The following C10orf90 variants were observed in gnomAD, a reference collection of about 807,000 sequenced individuals.
The protein encoded by C10orf90 is chromosome 10 open reading frame 90.
Under a neutral mutation model 62.5 loss-of-function variants are expected in C10orf90, and 56 were observed. The ratio of observed to expected loss-of-function variants is 0.90; its 90% CI spans 0.72 to 1.12. The LOEUF is 1.12. Among genes scored for constraint, C10orf90 ranks in the 50% most tolerant of loss-of-function variants. C10orf90 has a pLI of 0.00. For missense variants in C10orf90, 970 were observed against 880.4 expected (o/e 1.10, Z -1.29); for synonymous variants, 386 against 340.4 (o/e 1.13, Z -1.47).
intron 7 of C10orf90, among the ~76,000 whole-genome samples, chr10:126,439,539 C>A (rs1425680944): frequency 6.6e-6 from 1 of 151,650 alleles, no homozygotes; most frequent in East Asian, 1.9e-4. Flanking sequence ...GCTGATCCAA[C>A]TATAAGAGAA....
At chr10:126,637,351 C>G (rs1258539497) in intron 2 of C10orf90, among the ~76,000 whole-genome samples, 2 of 152,214 alleles carry the variant, frequency 1.3e-5, no homozygotes, top group Non-Finnish European at 2.9e-5. Flanking sequence ...CCCACCCAGA[C>G]TTCATCCTAG....
At chr10:126,603,812 T>C (rs183318763) in intron 2 of C10orf90, among the ~76,000 whole-genome samples, 4 of 152,244 alleles carry the variant, frequency 2.6e-5, no homozygotes, top group Admixed American at 2.6e-4. Flanking sequence ...AGTGGTGTGG[T>C]TGAATCAATA....
chr10:126,507,225 C>T (rs1326644405), intron 3 of C10orf90, among the ~76,000 whole-genome samples: 1 of 151,736 alleles, frequency 6.6e-6, no homozygotes, highest in Non-Finnish European at 1.5e-5. Flanking sequence ...GGCGTGGTGG[C>T]AGGCGCCTGT....
chr10:126,464,782 A>T lies in C10orf90; in HGVS notation c.1739T>A (p.Phe580Tyr). 3 of 1,614,086 alleles carry T rather than the reference A, an allele frequency of 1.9e-6. No homozygotes were observed. The highest frequency in any genetic ancestry group is 2.5e-6 in the Non-Finnish European group (3 of 1,179,974). Residue 580 changes from phenylalanine (F) to tyrosine (Y), a missense_variant, in exon 5 of 10, where the codon TTT becomes TAT. Transcript: ENST00000488181. ...TTGTAAGGGGCAAAGAAACCCAGGAAAAAGGATTCTGGGTTTCAGGAAGCT... is the reference window on the plus strand; with the variant it reads ...TTGTAAGGGGCAAAGAAACCCAGGATAAAGGATTCTGGGTTTCAGGAAGCT... ...HQSFLKPRIL[F>Y]PGFLCPLQDV... is the part of the protein sequence containing the mutation.
At chr10:126,428,616 G>A (rs1416473376) in intron 8 of C10orf90, among the ~76,000 whole-genome samples, 1 of 151,998 alleles carries the variant, frequency 6.6e-6, no homozygotes, top group African/African-American at 2.4e-5. Flanking sequence ...AAAATGATAG[G>A]GCAATACTCT....
intron 5 of C10orf90, among the ~76,000 whole-genome samples, chr10:126,463,893 T>C (rs958438427): frequency 1.3e-5 from 2 of 152,164 alleles, no homozygotes; most frequent in African/African-American, 4.8e-5. Flanking sequence ...GCTTAATAAA[T>C]GCTTCTCTAA....
At chr10:126,638,375 G>A (rs1845995092) in intron 2 of C10orf90, among the ~76,000 whole-genome samples, 1 of 152,072 alleles carries the variant, frequency 6.6e-6, no homozygotes, top group South Asian at 2.1e-4. Context: ...AGGACTCTGT[G>A]TCCTCTTGCT....
chr10:126,431,517 G>C (rs1030754207), intron 7 of C10orf90, among the ~76,000 whole-genome samples: 6 of 152,160 alleles, frequency 3.9e-5, no homozygotes, highest in Non-Finnish European at 7.3e-5. Context: ...CAAGAAAAAA[G>C]GAAATGTCAG....
At chr10:126,529,977 GAT>G (rs1864048786) in intron 2 of C10orf90, among the ~76,000 whole-genome samples, 1 of 152,080 alleles carries the variant, frequency 6.6e-6, no homozygotes, top group Non-Finnish European at 1.5e-5. Context: ...TGGTTTCAGA[GAT>G]ATTGAAATGT....
intron 2 of C10orf90, among the ~76,000 whole-genome samples, chr10:126,581,958 G>A (rs1339419472): frequency 3.9e-5 from 6 of 152,182 alleles, no homozygotes; most frequent in African/African-American, 1.4e-4. Flanking sequence ...GGTGGCAGCT[G>A]TGGTGACAAT....
chr10:126,476,455 C>A (rs1860873159), intron 4 of C10orf90, among the ~76,000 whole-genome samples: 1 of 152,194 alleles, frequency 6.6e-6, no homozygotes, highest in African/African-American at 2.4e-5. Context: ...ATAAATCAAG[C>A]CACCAAAGGA....
chr10:126,577,329 C>T (rs1342373965), intron 2 of C10orf90, among the ~76,000 whole-genome samples: 1 of 151,516 alleles, frequency 6.6e-6, no homozygotes, highest in Non-Finnish European at 1.5e-5. Flanking sequence ...ATAAGTGAAA[C>T]TAGCAAGATT....
chr10:126,616,835 A>C (rs574937761), intron 2 of C10orf90, among the ~76,000 whole-genome samples: 1 of 152,294 alleles, frequency 6.6e-6, no homozygotes, highest in South Asian at 2.1e-4. Context: ...GAAGAAAAAT[A>C]ACAGTAAGTC....
intron 2 of C10orf90, among the ~76,000 whole-genome samples, chr10:126,582,557 A>G (rs1297090256): frequency 1.3e-5 from 2 of 152,168 alleles, no homozygotes; most frequent in Non-Finnish European, 2.9e-5. Context: ...GTGTTTCCAG[A>G]TTCCATTGTA....
chr10:126,575,654 G>A (rs749160293), intron 2 of C10orf90, among the ~76,000 whole-genome samples: 2 of 151,946 alleles, frequency 1.3e-5, no homozygotes, highest in East Asian at 3.9e-4. Flanking sequence ...CAAGGCTGGA[G>A]GTATCAGACT....
At chr10:126,445,202 A>G (rs755957447) in intron 7 of C10orf90, among the ~76,000 whole-genome samples, 3 of 152,208 alleles carry the variant, frequency 2.0e-5, no homozygotes, top group Non-Finnish European at 4.4e-5. Context: ...TTTGCATGAC[A>G]AAAGGAACAG....
chr10:126,569,911 A>G (rs968254434), intron 2 of C10orf90, among the ~76,000 whole-genome samples: 2 of 152,102 alleles, frequency 1.3e-5, no homozygotes, highest in African/African-American at 2.4e-5. Context: ...TTCAAGCTTA[A>G]AAAAGAAAAG....
At chr10:126,541,723 A>G (rs1041727003) in intron 2 of C10orf90, among the ~76,000 whole-genome samples, 1 of 152,218 alleles carries the variant, frequency 6.6e-6, no homozygotes, top group African/African-American at 2.4e-5. Flanking sequence ...GATGTAGAGA[A>G]ATGGAAAGTC....
intron 2 of C10orf90, among the ~76,000 whole-genome samples, chr10:126,608,350 G>T (rs1040003074): frequency 8.5e-5 from 13 of 152,110 alleles, no homozygotes; most frequent in African/African-American, 2.7e-4. Flanking sequence ...GGACTCAAGC[G>T]ATCTTCCCTC....
Sources: gnomAD v4.1 joint callset for allele counts (sites outside exome capture counted in the v4.1 genomes callset) on GRCh38, gnomAD v4.1.1 for gene constraint, MANE v1.5 for transcripts, NCBI Gene and HGNC (gene_info 2026-07-23, HGNC 2026-07-21) for gene names.